CEP192: variants seen among roughly 807,000 people sequenced by gnomAD.
The protein encoded by CEP192 is centrosomal protein 192.
In CEP192, 151 loss-of-function variants were observed where a neutral mutation model predicts 271.8. That is an observed-to-expected ratio of 0.56 (90% CI 0.49 to 0.64). The LOEUF (loss-of-function observed/expected upper bound fraction) is 0.64, where lower values mean the gene tolerates loss of function less well. CEP192 is among the 30% of genes least tolerant of loss of function. The pLI, the probability that CEP192 is intolerant of heterozygous loss-of-function variation, is 0.00. For synonymous variants in CEP192, 995 were observed against 1,076.5 expected (o/e 0.92, Z 1.48); for missense variants, 2,910 against 3,020.5 (o/e 0.96, Z 0.86).
chr18:13,048,755 C>CAA, intron 15 of CEP192, 104 bp from the exon 16 acceptor site: 1 of 718,854 alleles, frequency 1.4e-6, no homozygotes, highest in Non-Finnish European at 2.3e-6. Flanking sequence ...TTTCAGGTAT[C>CAA]CACTTGGAGG....
chr18:13,113,999 TA>T lies in CEP192; in HGVS notation c.7168-130del, dbSNP rs1374625216. 4 of 1,053,542 alleles carry T rather than the reference TA, an allele frequency of 3.8e-6. No homozygotes were observed. The African/African-American group carries it at 6.4e-5, about 17-fold the overall frequency. 65.3% of individuals were successfully genotyped at this position (1,053,542 alleles called of 1,614,324 possible). ...AGGACAGAGTACAGAGCTTGCAATT[TA>T]GGGGATTTAAAAATCTTAAATTGCC... On this transcript the variant is annotated intron_variant, in intron 41 of 44. Transcript: ENST00000506447.
In CEP192 at chr18:13,071,219, G is replaced by A. The variant is rs777822109; in HGVS notation, c.5348+7G>A. 1.0e-5 allele frequency: 16 copies of A among 1,606,412 alleles called. No homozygotes were observed. The highest frequency in any genetic ancestry group is 1.4e-5 in the Non-Finnish European group (16 of 1,175,208). On this transcript the variant is annotated splice_region_variant and intron_variant, in intron 28 of 44. Transcript: ENST00000506447. ...TCCCTCTAGGTAGAACACAGTAAGT[G>A]TCAAAGACTGACAAATCGTCCACTA...
At chr18:13,101,696 C>T (rs1045315564) in intron 38 of CEP192, among the ~76,000 whole-genome samples, 1 of 152,078 alleles carries the variant, frequency 6.6e-6, no homozygotes, top group Non-Finnish European at 1.5e-5. Flanking sequence ...CCTCCTGGAC[C>T]TTGTTGTTCA....
At chr18:13,029,357 A>C (rs1812621101) in intron 9 of CEP192, among the ~76,000 whole-genome samples, 1 of 152,202 alleles carries the variant, frequency 6.6e-6, no homozygotes. Context: ...GGTAATGATA[A>C]AAGTTGGGCT....
intron 9 of CEP192, among the ~76,000 whole-genome samples, chr18:13,020,776 A>G (rs2034945173): frequency 5.3e-5 from 8 of 152,162 alleles, no homozygotes; most frequent in Admixed American, 5.2e-4. Context: ...TATCCTAATG[A>G]GTATGAAGTA....
rs9953764 is a variant in CEP192, at chr18:13,030,618, T to C, written c.1534+10T>C. On this transcript the variant is annotated intron_variant, in intron 11 of 44. Transcript: ENST00000506447. ...GACTTCAGATCTGGTTGTAAGTATA[T>C]GGATAAACATTTATTATAACATTTT... 7.1e-3 allele frequency: 11,143 copies of C among 1,577,306 alleles called. 590 individuals carry two copies. In the African/African-American group the frequency reaches 0.12, roughly 18 times the overall value.
intron 6 of CEP192, among the ~76,000 whole-genome samples, chr18:13,016,947 A>G (rs2034682632): frequency 6.6e-6 from 1 of 152,208 alleles, no homozygotes; most frequent in Admixed American, 6.5e-5. Context: ...GACTTTTGAT[A>G]ACATGCCAGG....
intron 5 of CEP192, 144 bp from the exon 6 acceptor site, chr18:13,015,184 C>G (rs890459326): frequency 4.2e-6 from 3 of 715,050 alleles, no homozygotes; most frequent in Admixed American, 3.3e-5. Flanking sequence ...TGTACAATTG[C>G]TAGCCCTTTA....
At chr18:13,056,835 C>T (rs892059726) in intron 19 of CEP192, 137 bp downstream of exon 19, 19 of 765,232 alleles carry the variant, frequency 2.5e-5, no homozygotes, top group South Asian at 3.6e-5. Context: ...CTGAGAACAC[C>T]GTGTATTTCT....
At chr18:13,078,276 G>A (rs1460259998) in intron 30 of CEP192, among the ~76,000 whole-genome samples, 1 of 152,034 alleles carries the variant, frequency 6.6e-6, no homozygotes, top group Non-Finnish European at 1.5e-5. Flanking sequence ...CCTTTTTTAT[G>A]GCTGTATAGT....
chr18:13,049,847 G>A lies in CEP192; in HGVS notation c.2973G>A (p.Leu991=). The change falls in exon 17 of 45, where the codon CTG becomes CTA. Residue 991 remains leucine, a synonymous_variant. Transcript: ENST00000506447. ...GCTTCAGACCTTCCACGTCACCACT[G>A]AGTCATTCTTCTCCTAGTGAAATTT... ...QESFRPSTSP[L]SHSSPSEISG... is the part of the protein sequence containing the mutation. 6.2e-7 allele frequency: 1 copy of A among 1,614,024 alleles called. No individual in the cohort carries two copies. The highest frequency in any genetic ancestry group is 8.5e-7 in the Non-Finnish European group (1 of 1,179,922).
rs189815891 is a variant in CEP192, at chr18:13,000,579, A to C, written c.165-878A>C. Reference sequence around the variant, plus strand: ...TCTTTCTCTTTCTCTTCCAGCTTTCAATCTGTCCTAGGTTTCTGAGGTAAC... The same window carrying C: ...TCTTTCTCTTTCTCTTCCAGCTTTCCATCTGTCCTAGGTTTCTGAGGTAAC... On this transcript the variant is annotated intron_variant, in intron 2 of 44. Coordinates refer to ENST00000506447, the MANE Select transcript of CEP192 (RefSeq NM_032142.4). The C allele has an allele frequency of 5.9e-5, 9 of 152,294 alleles. No homozygotes were observed. The East Asian group carries it at 1.7e-3, about 29-fold the overall frequency. The allele number at this position is 152,294 out of a possible 1,614,324, so 9.4% of individuals were successfully genotyped here. A position where few individuals can be genotyped will look rare whatever the true frequency, so the allele number is the denominator to read the frequency against.
At chr18:13,070,896 C>G in intron 27 of CEP192, 143 bp from the exon 28 acceptor site, 1 of 638,962 alleles carries the variant, frequency 1.6e-6, no homozygotes, top group Non-Finnish European at 2.7e-6. Flanking sequence ...TGTCTGTATT[C>G]TCTGCAGCAC....
rs569160523 is a variant in CEP192 at position 13,102,113 on chromosome 18, G to A, written c.6872-1396G>A. ...GGCTTTGCTGCCTCTGCTCCTCTGT[G>A]TGTGTCCTGCAGCTCCTGCCACCCC... is the stretch of plus-strand genomic sequence containing the variant. On this transcript the variant is annotated intron_variant, in intron 38 of 44. Coordinates refer to ENST00000506447, the MANE Select transcript of CEP192 (RefSeq NM_032142.4). Among the ~76,000 whole-genome samples the A allele has an allele frequency of 3.3e-5, 5 of 152,198 alleles. No individual in the cohort carries two copies. The East Asian group carries it at 7.7e-4, about 24-fold the overall frequency.
intron 4 of CEP192, among the ~76,000 whole-genome samples, chr18:13,010,969 G>A (rs1207025686): frequency 8.5e-5 from 13 of 152,118 alleles, no homozygotes; most frequent in Non-Finnish European, 1.0e-4. Flanking sequence ...GTTCATGCCT[G>A]TAATCCCAGC....
intron 44 of CEP192, among the ~76,000 whole-genome samples, chr18:13,124,217 AG>A (rs2040802723): frequency 6.6e-6 from 1 of 152,154 alleles, no homozygotes; most frequent in African/African-American, 2.4e-5. Context: ...CATTAATGAT[AG>A]GGTTGGGACA....
chr18:13,056,607 C>T lies in CEP192; in HGVS notation c.4017C>T (p.Asn1339=). 1 of 1,614,200 alleles carries T rather than the reference C, an allele frequency of 6.2e-7. No homozygotes were observed. Among genetic ancestry groups the T allele is most frequent in the Middle Eastern group, 1.6e-4 (1 of 6,062 alleles). The part of the protein sequence containing the change: ...CNPYSNTLNQ[N]LLSTTKPFPV... ...CATATTCTAATACCTTAAATCAGAA[C>T]CTGCTAAGCACAACAAAACCTTTTC... The change falls in exon 19 of 45, where the codon AAC becomes AAT. Residue 1339 remains asparagine, a synonymous_variant. Coordinates refer to ENST00000506447, the MANE Select transcript of CEP192 (RefSeq NM_032142.4).
At chr18:13,115,851 AGCTAGGTGTGAGGGGAAG>A (rs1158518796) in intron 42 of CEP192, among the ~76,000 whole-genome samples, 9 of 151,980 alleles carry the variant, frequency 5.9e-5, no homozygotes, top group Non-Finnish European at 8.8e-5. Context: ...GGGGGTGCCG[AGCTAGGTGTGAGGGGAAG>A]GTCAGATGTG....
intron 30 of CEP192, among the ~76,000 whole-genome samples, chr18:13,077,272 A>C (rs1431505270): frequency 6.6e-6 from 1 of 152,204 alleles, no homozygotes; most frequent in Non-Finnish European, 1.5e-5. Context: ...CTGAAAATTC[A>C]AACTCCACAA....
Sources: gnomAD v4.1 joint callset for allele counts (sites outside exome capture counted in the v4.1 genomes callset) on GRCh38, gnomAD v4.1.1 for gene constraint, MANE v1.5 for transcripts, NCBI Gene and HGNC (gene_info 2026-07-23, HGNC 2026-07-21) for gene names.